Variants in BCKDHB observed in about 807,000 individuals in gnomAD.
The protein encoded by BCKDHB is branched chain keto acid dehydrogenase E1 subunit beta.
Under a neutral mutation model 48.5 loss-of-function variants are expected in BCKDHB, and 41 were observed. That is an observed-to-expected ratio of 0.85 (90% CI 0.66 to 1.10). The LOEUF is 1.10. BCKDHB is among the 50% of genes least tolerant of loss of function. The pLI, the probability that BCKDHB is intolerant of heterozygous loss-of-function variation, is 0.00. For synonymous variants in BCKDHB, 201 were observed against 174.8 expected (o/e 1.15, Z -1.18); for missense variants, 496 against 494.2 (o/e 1.00, Z -0.03).
At chr6:80,401,257 T>A in the BCKDHB span, among the ~76,000 whole-genome samples, 1 of 151,854 alleles carries the variant, frequency 6.6e-6, no homozygotes, top group African/African-American at 2.4e-5. Flanking sequence ...TTTATTGGGG[T>A]ATGATTAACA....
chr6:80,186,016 T>C (rs1008500120), intron 6 of BCKDHB, among the ~76,000 whole-genome samples: 1 of 152,172 alleles, frequency 6.6e-6, no homozygotes, highest in African/African-American at 2.4e-5. Flanking sequence ...TATTCTGTTA[T>C]GTCTTGAGTT....
intron 8 of BCKDHB, among the ~76,000 whole-genome samples, chr6:80,266,382 G>A (rs749450153): frequency 1.8e-4 from 27 of 152,226 alleles, no homozygotes; most frequent in South Asian, 1.0e-3. Flanking sequence ...TGCTTTGTTT[G>A]ATGTTTAAGC....
In BCKDHB at chr6:80,273,151, G is replaced by C. The variant is rs1175759152; in HGVS notation, c.968G>C (p.Gly323Ala). The C allele has an allele frequency of 2.5e-6, 4 of 1,612,904 alleles. No individual in the cohort carries two copies. The Admixed American group carries it at 6.7e-5, about 27-fold the overall frequency. ...CTCTTTCAGTCTGTGATCAAAACAGGGCGACTGCTAATCAGTCACGAGGCT... is the reference window on the plus strand; with the variant it reads ...CTCTTTCAGTCTGTGATCAAAACAGCGCGACTGCTAATCAGTCACGAGGCT... ...DTICKSVIKT[G>A]RLLISHEAPL... The change falls in exon 9 of 10, where the codon GGG becomes GCG. Residue 323 changes from glycine to alanine, a missense_variant. Gly to Ala is a moderately conservative substitution (Grantham distance 60, BLOSUM62 0). Coordinates refer to ENST00000320393, the MANE Select transcript of BCKDHB (RefSeq NM_183050.4).
intron 9 of BCKDHB, among the ~76,000 whole-genome samples, chr6:80,340,007 A>G (rs1769807972): frequency 1.3e-5 from 2 of 152,164 alleles, no homozygotes; most frequent in Admixed American, 1.3e-4. Context: ...CACCTGTGAA[A>G]TGGAGTATAA....
chr6:80,320,256 T>G (rs557678721), intron 9 of BCKDHB, among the ~76,000 whole-genome samples: 2 of 152,328 alleles, frequency 1.3e-5, no homozygotes, highest in South Asian at 2.1e-4. Flanking sequence ...TTAAAAAAAT[T>G]TTTGTGTTCC....
the BCKDHB span, among the ~76,000 whole-genome samples, chr6:80,373,827 C>T: frequency 6.6e-6 from 1 of 152,170 alleles, no homozygotes; most frequent in Admixed American, 6.5e-5. Context: ...ATAGCTACTC[C>T]TGCTTGCTTT....
At chr6:80,258,341 T>A (rs965781840) in intron 8 of BCKDHB, among the ~76,000 whole-genome samples, 1 of 152,188 alleles carries the variant, frequency 6.6e-6, no homozygotes, top group Non-Finnish European at 1.5e-5. Flanking sequence ...GAGATTCACA[T>A]TTTCAGGGGT....
chr6:80,325,082 G>A (rs1016153351), intron 9 of BCKDHB, among the ~76,000 whole-genome samples: 3 of 152,044 alleles, frequency 2.0e-5, no homozygotes, highest in Non-Finnish European at 4.4e-5. Flanking sequence ...CATATAGAAA[G>A]TACTATATAG....
chr6:80,374,080 C>A, the BCKDHB span: 1 of 692,210 alleles, frequency 1.4e-6, no homozygotes, highest in Non-Finnish European at 2.7e-6. Context: ...TTCTGGGCAA[C>A]TTCTTCTTCT....
chr6:80,129,319 A>T, intron 3 of BCKDHB, 90 bp downstream of exon 3: 1 of 1,083,290 alleles, frequency 9.2e-7, no homozygotes, highest in South Asian at 1.3e-5. Flanking sequence ...ATTTTTTGTC[A>T]TATCCCCATT....
chr6:80,318,258 G>C, intron 9 of BCKDHB, among the ~76,000 whole-genome samples: 1 of 152,156 alleles, frequency 6.6e-6, no homozygotes, highest in Middle Eastern at 3.2e-3. Context: ...CTGCCCTCAA[G>C]AAATTAATAG....
At chr6:80,339,004 T>TA (rs57128019) in intron 9 of BCKDHB, among the ~76,000 whole-genome samples, 54,671 of 119,216 alleles carry the variant, frequency 0.46, 11,009 homozygotes, top group African/African-American at 0.57. Context: ...AACCTTGCCA[T>TA]AAAAAAAAAA....
intron 5 of BCKDHB, among the ~76,000 whole-genome samples, chr6:80,170,831 A>G (rs1333058471): frequency 6.6e-6 from 1 of 152,176 alleles, no homozygotes; most frequent in Non-Finnish European, 1.5e-5. Flanking sequence ...AATGAAGACC[A>G]TATTTTTTTT....
At chr6:80,221,600 CTTCTT>C (rs1207113971) in intron 8 of BCKDHB, among the ~76,000 whole-genome samples, 3 of 151,966 alleles carry the variant, frequency 2.0e-5, no homozygotes, top group Non-Finnish European at 2.9e-5. Context: ...ATTTTCATCT[CTTCTT>C]TTCTAATCTA....
chr6:80,167,585 C>A, intron 3 of BCKDHB, 93 bp from the exon 4 acceptor site: 1 of 1,283,248 alleles, frequency 7.8e-7, no homozygotes, highest in Non-Finnish European at 1.1e-6. Flanking sequence ...TATACTTCTC[C>A]ATCCCATTAT....
chr6:80,138,337 C>T (rs1006457375), intron 3 of BCKDHB, among the ~76,000 whole-genome samples: 2 of 151,846 alleles, frequency 1.3e-5, no homozygotes, highest in African/African-American at 2.4e-5. Flanking sequence ...TACATATGCA[C>T]AATGTGCAGG....
the BCKDHB span, among the ~76,000 whole-genome samples, chr6:80,452,584 A>G: frequency 6.6e-6 from 1 of 152,346 alleles, no homozygotes; most frequent in African/African-American, 2.4e-5. Context: ...TTATTATTTT[A>G]AAGAGTCTGT....
At chr6:80,166,703 T>C (rs1161944320) in intron 3 of BCKDHB, among the ~76,000 whole-genome samples, 1 of 152,124 alleles carries the variant, frequency 6.6e-6, no homozygotes, top group Admixed American at 6.6e-5. Context: ...ATGATCTTTT[T>C]ATTGATTTCT....
At chr6:80,290,347 C>T (rs1340294947) in intron 9 of BCKDHB, among the ~76,000 whole-genome samples, 3 of 152,106 alleles carry the variant, frequency 2.0e-5, no homozygotes, top group African/African-American at 7.2e-5. Flanking sequence ...CAAGAAGGCC[C>T]CAGAGCCTGA....
Sources: allele counts gnomAD v4.1 joint callset (sites outside exome capture counted in the v4.1 genomes callset), GRCh38; gene constraint gnomAD v4.1.1; transcripts MANE v1.5; gene names NCBI Gene and HGNC (gene_info 2026-07-23, HGNC 2026-07-21).